The following LTBP1 variants were observed in gnomAD, a reference collection of about 807,000 sequenced individuals.
The protein encoded by LTBP1 is latent-transforming growth factor beta-binding protein 1.
LTBP1 carries 129 observed loss-of-function variants against 207.6 expected under a neutral mutation model. That is an observed-to-expected ratio of 0.62 (90% CI 0.54 to 0.72). LTBP1 has a LOEUF of 0.72. LTBP1 is among the 30% of genes least tolerant of loss of function. The pLI, the probability that LTBP1 is intolerant of heterozygous loss-of-function variation, is 0.00. For missense variants in LTBP1, 2,281 were observed against 2,217.2 expected, an observed-to-expected ratio of 1.03 and a Z score of -0.58; for synonymous variants, 963 against 833.7, an observed-to-expected ratio of 1.16 and a Z score of -2.67.
chr2:33,386,014 G>A (rs2095262702), intron 31 of LTBP1, among the ~76,000 whole-genome samples: 1 of 152,082 alleles, frequency 6.6e-6, no homozygotes, highest in Non-Finnish European at 1.5e-5. Flanking sequence ...GGAGGATGTG[G>A]AATATCCCAG....
At chr2:33,271,306 T>C (rs1160697788) in intron 15 of LTBP1, among the ~76,000 whole-genome samples, 1 of 152,036 alleles carries the variant, frequency 6.6e-6, no homozygotes, top group Non-Finnish European at 1.5e-5. Context: ...CTAATTTTTT[T>C]TTTTGCAAAT....
chr2:32,981,395 A>C (rs1421705546), intron 2 of LTBP1, among the ~76,000 whole-genome samples: 1 of 151,888 alleles, frequency 6.6e-6, no homozygotes, highest in African/African-American at 2.4e-5. Flanking sequence ...ATTTCTATGT[A>C]TTTGCCTGTC....
intron 5 of LTBP1, among the ~76,000 whole-genome samples, chr2:33,170,605 A>G (rs1009277975): frequency 6.6e-6 from 1 of 152,244 alleles, no homozygotes; most frequent in Non-Finnish European, 1.5e-5. Context: ...AAAAGACAGC[A>G]GTAACCTCTG....
At chr2:33,364,050 A>G (rs543659304) in intron 29 of LTBP1, among the ~76,000 whole-genome samples, 166 bp from the exon 30 acceptor site, 5 of 152,310 alleles carry the variant, frequency 3.3e-5, no homozygotes, top group African/African-American at 1.2e-4. Flanking sequence ...AGCAGCTTAC[A>G]TTTTTATAGA....
chr2:33,286,842 A>G (rs2093675162), intron 19 of LTBP1, among the ~76,000 whole-genome samples: 1 of 152,210 alleles, frequency 6.6e-6, no homozygotes. Context: ...CAAAAAACCA[A>G]ACACCGCATG....
intron 31 of LTBP1, among the ~76,000 whole-genome samples, chr2:33,388,305 G>C (rs1277713888): frequency 2.0e-5 from 3 of 152,178 alleles, no homozygotes; most frequent in African/African-American, 7.2e-5. Flanking sequence ...CCACAGATGG[G>C]TCTAGCTGGG....
chr2:33,362,514 T>C (rs2094938175), intron 28 of LTBP1, among the ~76,000 whole-genome samples: 1 of 152,198 alleles, frequency 6.6e-6, no homozygotes, highest in Non-Finnish European at 1.5e-5. Flanking sequence ...ATTCATCTTC[T>C]CTTTTATATC....
chr2:33,006,583 A>G lies in LTBP1; in HGVS notation c.566-14326A>G, dbSNP rs78871812. Reference sequence around the variant, plus strand: ...ATTTTATTAGAGACGGGATTTCACCATGTTGGCCAGGCTGGTCTCAAACTC... The same window carrying G: ...ATTTTATTAGAGACGGGATTTCACCGTGTTGGCCAGGCTGGTCTCAAACTC... On this transcript the variant is annotated intron_variant, in intron 2 of 33. Transcript: ENST00000404816. Among the ~76,000 whole-genome samples the G allele has an allele frequency of 7.1e-4, 108 of 151,728 alleles. 3 individuals carry two copies. Among genetic ancestry groups the G allele is most frequent in the Non-Finnish European group, 3.1e-4 (21 of 67,910 alleles).
At chr2:33,012,032 T>C (rs1441263765) in intron 2 of LTBP1, among the ~76,000 whole-genome samples, 2 of 152,022 alleles carry the variant, frequency 1.3e-5, no homozygotes, top group African/African-American at 4.8e-5. Context: ...ACACTCCTCT[T>C]CTCTTTCCGA....
intron 3 of LTBP1, among the ~76,000 whole-genome samples, chr2:33,097,529 C>T (rs2079462384): frequency 6.6e-6 from 1 of 152,024 alleles, no homozygotes; most frequent in African/African-American, 2.4e-5. Flanking sequence ...ACTGGAATAC[C>T]ATGTTTTTAA....
chr2:33,156,920 G>T (rs577457415), intron 5 of LTBP1, among the ~76,000 whole-genome samples: 8 of 152,236 alleles, frequency 5.3e-5, no homozygotes, highest in South Asian at 2.1e-4. Context: ...AATTTTAAGA[G>T]AATTCAAAGA....
At chr2:33,016,839 A>G (rs931812450) in intron 2 of LTBP1, among the ~76,000 whole-genome samples, 2 of 152,220 alleles carry the variant, frequency 1.3e-5, no homozygotes, top group African/African-American at 4.8e-5. Context: ...CCTGGCCAAC[A>G]TGGCGAAACC....
At chr2:33,084,412 G>A (rs544583525) in intron 3 of LTBP1, among the ~76,000 whole-genome samples, 1 of 152,256 alleles carries the variant, frequency 6.6e-6, no homozygotes, top group South Asian at 2.1e-4. Flanking sequence ...GGTGGGAGGC[G>A]TCCTGGAGGC....
intron 5 of LTBP1, among the ~76,000 whole-genome samples, chr2:33,178,977 G>C (rs367571964): frequency 2.6e-5 from 4 of 152,160 alleles, no homozygotes; most frequent in African/African-American, 9.7e-5. Context: ...CTGGCTTCAA[G>C]TGATCCTCCC....
At position 33,060,312 on chromosome 2, in the gene LTBP1, C is replaced by T. The variant is rs576785632; in HGVS notation, c.863+39106C>T. 3.3e-5 allele frequency among the ~76,000 whole-genome samples: 5 copies of T among 152,048 alleles called. No individual in the cohort carries two copies. The South Asian group carries it at 6.2e-4, about 19-fold the overall frequency. On this transcript the variant is annotated intron_variant, in intron 3 of 33. Coordinates refer to ENST00000404816, the MANE Select transcript of LTBP1 (RefSeq NM_206943.4). ...ATGGATCCTTTTCCTTTTAATTTCCCCCTATTTTTAAAAAACTCACTGGAG... is the reference window on the plus strand; with the variant it reads ...ATGGATCCTTTTCCTTTTAATTTCCTCCTATTTTTAAAAAACTCACTGGAG...
intron 3 of LTBP1, among the ~76,000 whole-genome samples, chr2:33,094,414 A>C (rs1234958262): frequency 6.6e-6 from 1 of 152,166 alleles, no homozygotes. Flanking sequence ...ACATTTACTT[A>C]ATTTTTTGAT....
chr2:33,242,769 T>TA lies in LTBP1; in HGVS notation c.1877-892dup, dbSNP rs201315696. Reference sequence around the variant, plus strand: ...ACCAGCCTGGCTGTTACCAACCTCATACTTGCATGACCCCTTCAAGTGATC... The same window carrying TA: ...ACCAGCCTGGCTGTTACCAACCTCATAACTTGCATGACCCCTTCAAGTGATC... On this transcript the variant is annotated intron_variant, in intron 9 of 33. Coordinates refer to ENST00000404816, the MANE Select transcript of LTBP1 (RefSeq NM_206943.4). Among the ~76,000 whole-genome samples the TA allele has an allele frequency of 2.3e-3, 352 of 151,910 alleles. 2 individuals are homozygous for TA. The highest frequency in any genetic ancestry group is 7.9e-3 in the African/African-American group (326 of 41,462).
intron 12 of LTBP1, 109 bp downstream of exon 12, chr2:33,257,620 G>T: frequency 1.1e-6 from 1 of 892,430 alleles, no homozygotes; most frequent in South Asian, 1.7e-5. Context: ...AAGCACTATT[G>T]GCATTTTAGA....
At chr2:33,392,737 T>G (rs2150674126) in intron 32 of LTBP1, among the ~76,000 whole-genome samples, 1 of 152,346 alleles carries the variant, frequency 6.6e-6, no homozygotes, top group South Asian at 2.1e-4. Flanking sequence ...CTTTTTATGT[T>G]TTAATTTCTG....
Sources: gnomAD v4.1 joint callset for allele counts (sites outside exome capture counted in the v4.1 genomes callset) on GRCh38, gnomAD v4.1.1 for gene constraint, MANE v1.5 for transcripts, NCBI Gene and HGNC (gene_info 2026-07-23, HGNC 2026-07-21) for gene names.